Variants in MBNL1 observed in about 807,000 individuals in gnomAD.
MBNL1 encodes the protein muscleblind like splicing regulator 1, also known as muscleblind-like protein 1.
A neutral mutation model predicts 42.2 loss-of-function variants in MBNL1; 8 were observed. The observed-to-expected ratio is 0.19, with a 90% CI of 0.11 to 0.34. The LOEUF is 0.34. Among genes scored for constraint, MBNL1 ranks in the 10% least tolerant of loss-of-function variants. The pLI, the probability that MBNL1 is intolerant of heterozygous loss-of-function variation, is 1.00. For missense variants in MBNL1, 309 were observed against 495.3 expected (o/e 0.62, Z 3.57); for synonymous variants, 169 against 173.9 (o/e 0.97, Z 0.22).
intron 2 of MBNL1, among the ~76,000 whole-genome samples, chr3:152,346,916 C>T (rs374157818): frequency 1.3e-5 from 2 of 150,122 alleles, no homozygotes; most frequent in African/African-American, 4.9e-5. Context: ...TGGTGACTCA[C>T]GCTTGTAATT....
chr3:152,247,061 T>G (rs1191167351), intron 2 of MBNL1, among the ~76,000 whole-genome samples: 2 of 152,160 alleles, frequency 1.3e-5, no homozygotes, highest in African/African-American at 4.8e-5. Context: ...CATTGAAAGA[T>G]TTAGTTTTTG....
At chr3:152,361,047 A>T (rs1181343212) in intron 2 of MBNL1, among the ~76,000 whole-genome samples, 1 of 152,146 alleles carries the variant, frequency 6.6e-6, no homozygotes, top group Non-Finnish European at 1.5e-5. Flanking sequence ...TATATGATAT[A>T]ATTATGACCA....
chr3:152,305,112 T>A (rs2062391226), intron 2 of MBNL1, among the ~76,000 whole-genome samples: 2 of 152,186 alleles, frequency 1.3e-5, no homozygotes, highest in South Asian at 4.1e-4. Flanking sequence ...TGAATTCAGT[T>A]TCATTGTAAT....
chr3:152,397,462 G>T (rs1291400698), intron 2 of MBNL1, among the ~76,000 whole-genome samples: 1 of 152,004 alleles, frequency 6.6e-6, no homozygotes, highest in African/African-American at 2.4e-5. Flanking sequence ...GCAGTGTTTG[G>T]TTTTCTCTTC....
At chr3:152,255,198 T>C (rs938180237) in intron 2 of MBNL1, among the ~76,000 whole-genome samples, 9 of 152,102 alleles carry the variant, frequency 5.9e-5, no homozygotes, top group African/African-American at 2.2e-4. Flanking sequence ...CTTCCAGGTG[T>C]ATTGATGGTT....
At chr3:152,325,269 CTT>C (rs2079075261) in intron 2 of MBNL1, among the ~76,000 whole-genome samples, 1 of 152,026 alleles carries the variant, frequency 6.6e-6, no homozygotes, top group South Asian at 2.1e-4. Flanking sequence ...TGTTTTGCCT[CTT>C]TGCTTATGTA....
rs552740063 is a variant in MBNL1, at chr3:152,258,108, G to A, written n.333+13668G>A. Among the ~76,000 whole-genome samples the A allele has an allele frequency of 2.6e-4, 39 of 152,194 alleles. No homozygotes were observed. The South Asian group carries it at 7.9e-3, about 31-fold the overall frequency. ...TACCTATACCATCTTGTAGAAAATA[G>A]CTATATATTTCTTAAAATTTGTAAT... is the stretch of plus-strand genomic sequence containing the variant. On this transcript the variant is annotated intron_variant and non_coding_transcript_variant, in intron 2 of 2. Transcript: ENST00000477171.
At chr3:152,257,129 G>A (rs2035558118) in intron 2 of MBNL1, among the ~76,000 whole-genome samples, 1 of 152,156 alleles carries the variant, frequency 6.6e-6, no homozygotes, top group Non-Finnish European at 1.5e-5. Context: ...TGCAGAGTGT[G>A]AGGTAGTGTG....
chr3:152,415,120 G>A lies in MBNL1; in HGVS notation c.345+9G>A, dbSNP rs1237594405. On this transcript the variant is annotated intron_variant, in intron 3 of 9. Coordinates refer to ENST00000324210, the MANE Select transcript of MBNL1 (RefSeq NM_021038.5). ...CCCCATTACAACCCGTGGTAAGCAT[G>A]TTTTCAGTCTTCACTCATTAAGTTT... 6 of 1,565,676 alleles carry A rather than the reference G, an allele frequency of 3.8e-6. No homozygotes were observed. Among genetic ancestry groups the A allele is most frequent in the Non-Finnish European group, 5.2e-6 (6 of 1,158,918 alleles).
chr3:152,395,942 G>C lies in MBNL1; in HGVS notation c.175-18999G>C, dbSNP rs114475767. Reference sequence around the variant, plus strand: ...CCCAACCCTGGGCTGCACAGCAGGAGGTGAGTGGCTGATGAGTGGATGAAG... The same window carrying C: ...CCCAACCCTGGGCTGCACAGCAGGACGTGAGTGGCTGATGAGTGGATGAAG... On this transcript the variant is annotated intron_variant, in intron 2 of 9. Coordinates refer to ENST00000324210, the MANE Select transcript of MBNL1 (RefSeq NM_021038.5). Among the ~76,000 whole-genome samples, 737 of 152,282 alleles carry C rather than the reference G, an allele frequency of 4.8e-3. 3 individuals carry two copies. The highest frequency in any genetic ancestry group is 0.017 in the African/African-American group (694 of 41,550).
chr3:152,359,453 G>C (rs147376717), intron 2 of MBNL1, among the ~76,000 whole-genome samples: 150 of 152,260 alleles, frequency 9.9e-4, no homozygotes, highest in Admixed American at 1.4e-3. Flanking sequence ...CTCTTATGGG[G>C]GTGGGGAAGG....
chr3:152,459,416 A>C lies in MBNL1; in HGVS notation c.*18+71A>C, dbSNP rs112954884. ...TTTTAAGATAGCAATTGTATAGTGC[A>C]CTTAAAATTTTGCGAAATCTCTGAG... On this transcript the variant is annotated intron_variant, in intron 9 of 9. Transcript: ENST00000324210. 2.2e-5 allele frequency: 18 copies of C among 801,194 alleles called. No homozygotes were observed. In the African/African-American group the frequency reaches 2.5e-4, roughly 11 times the overall value. 49.6% of individuals were successfully genotyped at this position (801,194 alleles called of 1,614,324 possible). A position where few individuals can be genotyped will look rare whatever the true frequency, so the allele number is the denominator to read the frequency against.
At chr3:152,246,233 C>G (rs1406466839) in intron 2 of MBNL1, among the ~76,000 whole-genome samples, 4 of 152,090 alleles carry the variant, frequency 2.6e-5, no homozygotes, top group Non-Finnish European at 4.4e-5. Flanking sequence ...TAATGGCTAA[C>G]AATCACAAGG....
At chr3:152,325,333 G>A (rs1230967087) in intron 2 of MBNL1, among the ~76,000 whole-genome samples, 2 of 151,864 alleles carry the variant, frequency 1.3e-5, no homozygotes, top group Admixed American at 6.6e-5. Flanking sequence ...CTCTGCATTT[G>A]ATTCCACAGC....
intron 4 of MBNL1, among the ~76,000 whole-genome samples, chr3:152,433,256 C>T (rs2099030097): frequency 6.6e-6 from 1 of 152,062 alleles, no homozygotes; most frequent in Admixed American, 6.6e-5. Flanking sequence ...GCAAATGCCT[C>T]CTGAATGTTT....
intron 2 of MBNL1, among the ~76,000 whole-genome samples, chr3:152,332,589 A>C (rs1345493766): frequency 6.6e-6 from 1 of 152,128 alleles, no homozygotes; most frequent in Non-Finnish European, 1.5e-5. Flanking sequence ...CTTTTTAGTA[A>C]ATGCCACCAA....
intron 8 of MBNL1, 31 bp from the exon 9 acceptor site, chr3:152,459,240 A>T: frequency 7.7e-7 from 1 of 1,292,004 alleles, no homozygotes. Flanking sequence ...GCTTGCATGG[A>T]TCATTCATTA....
chr3:152,396,611 C>CT (rs2097952688), intron 2 of MBNL1, among the ~76,000 whole-genome samples: 1 of 152,086 alleles, frequency 6.6e-6, no homozygotes, highest in South Asian at 2.1e-4. Flanking sequence ...TTTTTTCCAC[C>CT]CTGGTTTCAC....
chr3:152,367,702 C>CT (rs777898270), intron 2 of MBNL1, among the ~76,000 whole-genome samples: 2 of 152,168 alleles, frequency 1.3e-5, no homozygotes, highest in Non-Finnish European at 2.9e-5. Flanking sequence ...TGTTTCCTGA[C>CT]TTTTTAATGA....
Sources: allele counts gnomAD v4.1 joint callset (sites outside exome capture counted in the v4.1 genomes callset), GRCh38; gene constraint gnomAD v4.1.1; transcripts MANE v1.5; gene names NCBI Gene and HGNC (gene_info 2026-07-23, HGNC 2026-07-21).